Variants in HIPK2 observed in about 807,000 individuals in gnomAD.
The protein encoded by HIPK2 is homeodomain interacting protein kinase 2.
Under a neutral mutation model 113.7 loss-of-function variants are expected in HIPK2, and 27 were observed. That is an observed-to-expected ratio of 0.24 (90% CI 0.17 to 0.33). The LOEUF is 0.33. Ranked by LOEUF, HIPK2 falls within the 10% of genes least tolerant of loss-of-function variation. HIPK2 has a pLI of 1.00. For synonymous variants in HIPK2, 631 were observed against 642.2 expected (o/e 0.98, Z 0.26); for missense variants, 1,257 against 1,588.0 (o/e 0.79, Z 3.54).
At chr7:139,658,805 C>A (rs1801762705) in intron 2 of HIPK2, among the ~76,000 whole-genome samples, 1 of 152,204 alleles carries the variant, frequency 6.6e-6, no homozygotes, top group African/African-American at 2.4e-5. Flanking sequence ...GAAGTGCCTG[C>A]TAATTTTATA....
At chr7:139,653,216 G>A (rs560128442) in intron 2 of HIPK2, among the ~76,000 whole-genome samples, 1 of 151,570 alleles carries the variant, frequency 6.6e-6, no homozygotes, top group East Asian at 1.9e-4. Context: ...GGAGCAAGGG[G>A]CAAGTGATAC....
chr7:139,728,482 T>C lies in HIPK2; in HGVS notation c.20-11467A>G, dbSNP rs892192341. Among the ~76,000 whole-genome samples the C allele has an allele frequency of 4.6e-5, 7 of 152,314 alleles. No homozygotes were observed. The East Asian group carries it at 1.2e-3, about 25-fold the overall frequency. On this transcript the variant is annotated intron_variant, in intron 1 of 14. Coordinates refer to ENST00000406875, the MANE Select transcript of HIPK2 (RefSeq NM_022740.5). ...CCTTGGCTCACTGATGACTGTCTTC[T>C]CTGTGTGTCTCTTCACATCATCTTC...
chr7:139,670,971 G>A (rs1270776246), intron 2 of HIPK2, among the ~76,000 whole-genome samples: 1 of 151,812 alleles, frequency 6.6e-6, no homozygotes, highest in African/African-American at 2.4e-5. Context: ...ACGTTGTCCA[G>A]GCTGGTCTCC....
intron 1 of HIPK2, among the ~76,000 whole-genome samples, chr7:139,770,554 A>C (rs1009329047): frequency 1.3e-5 from 2 of 152,224 alleles, no homozygotes; most frequent in Admixed American, 6.5e-5. Context: ...TTCAAGATGC[A>C]AATCTGTGAC....
intron 2 of HIPK2, among the ~76,000 whole-genome samples, chr7:139,647,698 A>T (rs1023944914): frequency 9.2e-5 from 14 of 152,252 alleles, no homozygotes; most frequent in African/African-American, 3.4e-4. Flanking sequence ...AAGAGAGAAT[A>T]AGTGGAGATA....
chr7:139,603,689 T>A (rs1036885910), intron 10 of HIPK2, among the ~76,000 whole-genome samples: 5 of 152,172 alleles, frequency 3.3e-5, no homozygotes, highest in African/African-American at 1.2e-4. Context: ...TAGAATTGCT[T>A]AGGGCTTTGG....
intron 2 of HIPK2, among the ~76,000 whole-genome samples, chr7:139,705,439 C>T (rs1317079172): frequency 3.3e-5 from 5 of 151,934 alleles, no homozygotes; most frequent in Non-Finnish European, 7.4e-5. Flanking sequence ...TGCAGTGGCG[C>T]AATCTCGGCT....
chr7:139,637,603 A>G (rs1188913165), intron 2 of HIPK2, among the ~76,000 whole-genome samples: 1 of 152,214 alleles, frequency 6.6e-6, no homozygotes, highest in Non-Finnish European at 1.5e-5. Flanking sequence ...ATAGGGTGCC[A>G]TAAATGCCAC....
At chr7:139,699,055 C>T (rs1205727389) in intron 2 of HIPK2, among the ~76,000 whole-genome samples, 1 of 151,988 alleles carries the variant, frequency 6.6e-6, no homozygotes, top group Non-Finnish European at 1.5e-5. Flanking sequence ...CACACAGCAC[C>T]ACAGCTGCCA....
Position 139,574,772 on chromosome 7 carries a change from G to A in HIPK2, c.3126+356C>T, listed in dbSNP as rs185873960. Reference sequence around the variant, plus strand: ...ATGAGTCGGATGCAGGTCTGTCCCTGATGTCCCAGGCCGACAGGGCCGGGA... The same window carrying A: ...ATGAGTCGGATGCAGGTCTGTCCCTAATGTCCCAGGCCGACAGGGCCGGGA... On this transcript the variant is annotated intron_variant, in intron 14 of 14. Transcript: ENST00000406875. Among the ~76,000 whole-genome samples, 6 of 152,332 alleles carry A rather than the reference G, an allele frequency of 3.9e-5. No homozygotes were observed. The East Asian group carries it at 1.2e-3, about 29-fold the overall frequency.
intron 7 of HIPK2, among the ~76,000 whole-genome samples, chr7:139,616,861 C>T (rs1800065960): frequency 2.0e-5 from 3 of 152,184 alleles, no homozygotes; most frequent in Admixed American, 1.3e-4. Flanking sequence ...GTCTACCTGG[C>T]CCCTAGTACA....
intron 2 of HIPK2, among the ~76,000 whole-genome samples, chr7:139,650,891 G>A (rs1206202483): frequency 6.6e-6 from 1 of 152,206 alleles, no homozygotes; most frequent in African/African-American, 2.4e-5. Flanking sequence ...TTGGGTGACT[G>A]CAGCCTGGGC....
intron 2 of HIPK2, among the ~76,000 whole-genome samples, chr7:139,669,504 G>T (rs757260897): frequency 6.6e-6 from 1 of 152,158 alleles, no homozygotes; most frequent in African/African-American, 2.4e-5. Context: ...TGAGACATCT[G>T]GTTCTCCAAA....
At position 139,608,331 on chromosome 7, in the gene HIPK2, T is replaced by A. The variant is rs893288929; in HGVS notation, c.2113-4108A>T. 2.8e-5 allele frequency among the ~76,000 whole-genome samples: 4 copies of A among 140,842 alleles called. No homozygotes were observed. In the East Asian group the frequency reaches 6.0e-4, roughly 21 times the overall value. 92.4% of individuals were successfully genotyped at this position (140,842 alleles called of 152,430 possible). A position where few individuals can be genotyped will look rare whatever the true frequency, so the allele number is the denominator to read the frequency against. On this transcript the variant is annotated intron_variant, in intron 9 of 14. Transcript: ENST00000406875. ...GATAATATATATTATATATATAAAA[T>A]ATATATATAACAGGGATAATATATA...
intron 2 of HIPK2, among the ~76,000 whole-genome samples, chr7:139,668,279 T>C (rs1802128801): frequency 6.6e-6 from 1 of 152,046 alleles, no homozygotes; most frequent in Non-Finnish European, 1.5e-5. Flanking sequence ...TATGATTTAC[T>C]GGCCGAGTGC....
intron 1 of HIPK2, among the ~76,000 whole-genome samples, chr7:139,750,477 C>G (rs148557407): frequency 6.6e-6 from 1 of 152,042 alleles, no homozygotes; most frequent in Non-Finnish European, 1.5e-5. Flanking sequence ...TATATTTACA[C>G]ACATAGGCAC....
intron 1 of HIPK2, among the ~76,000 whole-genome samples, chr7:139,776,765 AACTT>A (rs2117194767): frequency 6.6e-6 from 1 of 152,356 alleles, no homozygotes; most frequent in East Asian, 1.9e-4. Flanking sequence ...GAAGTGTAAA[AACTT>A]AGTTGATTCT....
At chr7:139,608,901 C>T (rs1458677318) in intron 9 of HIPK2, among the ~76,000 whole-genome samples, 1 of 152,110 alleles carries the variant, frequency 6.6e-6, no homozygotes, top group Non-Finnish European at 1.5e-5. Flanking sequence ...TTCAGGGAAA[C>T]ATTTAAAGGC....
intron 6 of HIPK2, among the ~76,000 whole-genome samples, chr7:139,622,453 C>T (rs113661970): frequency 3.9e-5 from 6 of 152,282 alleles, no homozygotes; most frequent in African/African-American, 1.2e-4. Flanking sequence ...CATTTGGTTT[C>T]GTGACAATTC....
Sources: gnomAD v4.1 joint callset for allele counts (sites outside exome capture counted in the v4.1 genomes callset) on GRCh38, gnomAD v4.1.1 for gene constraint, MANE v1.5 for transcripts, NCBI Gene and HGNC (gene_info 2026-07-23, HGNC 2026-07-21) for gene names.